The following NAGK variants were observed in gnomAD, a reference collection of about 807,000 sequenced individuals.
NAGK encodes N-acetylglucosamine kinase.
In NAGK, 35 loss-of-function variants were observed where a neutral mutation model predicts 42.9. The observed-to-expected ratio is 0.82, with a 90% CI of 0.62 to 1.08. The LOEUF (loss-of-function observed/expected upper bound fraction) is 1.08. NAGK is among the 50% of genes least tolerant of loss of function. The pLI, the probability that NAGK is intolerant of heterozygous loss-of-function variation, is 0.00. For missense variants in NAGK, 446 were observed against 446.0 expected (o/e 1.00, Z 0.00); for synonymous variants, 172 against 176.0 (o/e 0.98, Z 0.18).
At position 71,070,789 on chromosome 2, in the gene NAGK, A is replaced by C; in HGVS notation, c.163A>C (p.Arg55=). ...CVERINEMVN[R]AKRKAGVDPL... ...GGAGAGGATCAATGAGATGGTGAAC[A>C]GGGCCAAACGGAAAGCAGGGGTGGA... Residue 55 remains arginine, a synonymous_variant, in exon 3 of 10, where the codon AGG becomes CGG. Coordinates refer to ENST00000244204, the MANE Select transcript of NAGK (RefSeq NM_017567.6). 6.2e-7 allele frequency: 1 copy of C among 1,614,222 alleles called. No individual in the cohort carries two copies. Among genetic ancestry groups the C allele is most frequent in the Non-Finnish European group, 8.5e-7 (1 of 1,180,034 alleles).
chr2:71,070,831 C>G lies in NAGK; in HGVS notation c.205C>G (p.Arg69Gly), dbSNP rs769170071. The G allele has an allele frequency of 6.2e-7, 1 of 1,614,136 alleles. No individual in the cohort carries two copies. The highest frequency in any genetic ancestry group is 1.7e-5 in the Admixed American group (1 of 60,028). The change falls in exon 3 of 10, where the codon CGA becomes GGA. Residue 69 changes from arginine (R) to glycine (G), a missense_variant. Coordinates refer to ENST00000244204, the MANE Select transcript of NAGK (RefSeq NM_017567.6). ...AGGGGTGGATCCTCTGGTACCGCTG[C>G]GAAGCTTGGTGAGTCTGGGGCGGAG... ...KAGVDPLVPLRSLGLSLSGGD... is the reference protein window; with the variant it reads ...KAGVDPLVPLGSLGLSLSGGD...
intron 4 of NAGK, 95 bp downstream of exon 4, chr2:71,071,922 A>G: frequency 6.8e-7 from 1 of 1,474,094 alleles, no homozygotes; most frequent in Non-Finnish European, 9.2e-7. Flanking sequence ...AAATATCCAG[A>G]AGGCAGCCAC....
Position 71,072,699 on chromosome 2 carries a change from C to T in NAGK, c.414C>T (p.Gly138=). The part of the protein sequence containing the change: ...GSNCRLINPD[G]SESGCGGWGH... ...ACTGCAGGCTCATCAACCCTGATGG[C>T]TCCGAGAGTGGCTGCGGCGGCTGGG... The change falls in exon 5 of 10, where the codon GGC becomes GGT. Residue 138 remains glycine, a synonymous_variant. Coordinates refer to ENST00000244204, the MANE Select transcript of NAGK (RefSeq NM_017567.6). The T allele has an allele frequency of 6.2e-7, 1 of 1,614,154 alleles. No individual in the cohort carries two copies. Among genetic ancestry groups the T allele is most frequent in the Non-Finnish European group, 8.5e-7 (1 of 1,179,990 alleles).
At chr2:71,068,361 G>C (rs952499789), upstream of NAGK, 6 of 864,516 alleles carry the variant, frequency 6.9e-6, no homozygotes, top group Non-Finnish European at 9.8e-6. Flanking sequence ...CTAAGGGTCC[G>C]ACCGACCTAG....
intron 1 of NAGK, 88 bp downstream of exon 1, chr2:71,068,800 G>T: frequency 2.1e-6 from 3 of 1,417,824 alleles, no homozygotes; most frequent in Non-Finnish European, 2.8e-6. Context: ...CTTGATCCTC[G>T]GCGTCCGGGC....
chr2:71,072,961 G>A (rs1672077445), intron 5 of NAGK: 1 of 617,154 alleles, frequency 1.6e-6, no homozygotes, highest in Non-Finnish European at 3.0e-6. Flanking sequence ...GCAGTGACTT[G>A]CACCCAGGAC....
chr2:71,071,639 G>C, intron 3 of NAGK, 47 bp from the exon 4 acceptor site: 5 of 1,565,240 alleles, frequency 3.2e-6, no homozygotes, highest in Non-Finnish European at 4.3e-6. Flanking sequence ...TGAGAAAAGA[G>C]CTGGGGCTGG....
intron 9 of NAGK, 131 bp from the exon 10 acceptor site, chr2:71,078,187 T>A: frequency 1.2e-6 from 1 of 841,304 alleles, no homozygotes; most frequent in Non-Finnish European, 1.9e-6. Context: ...GCTGGGCACT[T>A]GGCATGTAGG....
In NAGK at chr2:71,078,642, T is replaced by G; in HGVS notation, c.*134T>G. On this transcript the variant is annotated 3_prime_UTR_variant, in exon 10 of 10. Transcript: ENST00000244204. ...TAAATGCACTTTATCCACTCCCCAA[T>G]TGGACTGCATTATCAAACACATGTG... 1.9e-6 allele frequency: 2 copies of G among 1,057,228 alleles called. No homozygotes were observed. The highest frequency in any genetic ancestry group is 1.7e-5 in the South Asian group (1 of 58,514). 65.5% of individuals were successfully genotyped at this position (1,057,228 alleles called of 1,614,324 possible). A position where few individuals can be genotyped will look rare whatever the true frequency, so the allele number is the denominator to read the frequency against.
chr2:71,071,360 G>A, intron 3 of NAGK: 1 of 351,424 alleles, frequency 2.8e-6, no homozygotes, highest in Non-Finnish European at 5.3e-6. Context: ...CAAACCTCGT[G>A]TATACCAAAC....
chr2:71,070,983 A>G lies in NAGK; in HGVS notation c.213+144A>G. On this transcript the variant is annotated intron_variant, in intron 3 of 9. Coordinates refer to ENST00000244204, the MANE Select transcript of NAGK (RefSeq NM_017567.6). Reference sequence around the variant, plus strand: ...TGTCAAAACTGTCATAATCTCACCCAGTCTCATGGCTTCAGTTGCCACCTA... The same window carrying G: ...TGTCAAAACTGTCATAATCTCACCCGGTCTCATGGCTTCAGTTGCCACCTA... 4.9e-6 allele frequency: 4 copies of G among 818,194 alleles called. No homozygotes were observed. In the Admixed American group the frequency reaches 6.8e-5, roughly 14 times the overall value. The allele number at this position is 818,194 out of a possible 1,614,324, so 50.7% of individuals were successfully genotyped here.
At chr2:71,069,217 C>A in intron 1 of NAGK, 1 of 530,898 alleles carries the variant, frequency 1.9e-6, no homozygotes, top group Non-Finnish European at 2.4e-6. Flanking sequence ...GTTGGCCTTC[C>A]ATGCTGCTTT....
At chr2:71,075,823 G>A in intron 7 of NAGK, 181 bp downstream of exon 7, 1 of 607,858 alleles carries the variant, frequency 1.6e-6, no homozygotes, top group Admixed American at 2.8e-5. Flanking sequence ...GGGCACGTGG[G>A]TCGTGTTGAC....
At chr2:71,068,738 C>G in intron 1 of NAGK, 26 bp downstream of exon 1, 1 of 1,447,864 alleles carries the variant, frequency 6.9e-7, no homozygotes, top group Non-Finnish European at 9.1e-7. Context: ...CGGAGGGAGC[C>G]TGGGCCCGAA....
At position 71,070,111 on chromosome 2, in the gene NAGK, C is replaced by G. The variant is rs566710425; in HGVS notation, c.30-391C>G. On this transcript the variant is annotated intron_variant, in intron 1 of 9. Coordinates refer to ENST00000244204, the MANE Select transcript of NAGK (RefSeq NM_017567.6). ...AGCTTGACCCAGTGGAGCTTGAAGT[C>G]TAGTGAGAGGCGGACACAAAGCGTC... The G allele has an allele frequency of 4.5e-4, 93 of 206,768 alleles. 2 individuals are homozygous for G. Among genetic ancestry groups the G allele is most frequent in the South Asian group, 4.2e-3 (57 of 13,698 alleles). The allele number at this position is 206,768 out of a possible 1,614,324, so 12.8% of individuals were successfully genotyped here. A position where few individuals can be genotyped will look rare whatever the true frequency, so the allele number is the denominator to read the frequency against.
Position 71,077,575 on chromosome 2 carries a change from G to GGT in NAGK, c.783_784insGT (p.Ile262ValfsTer19). 1 of 1,609,196 alleles carries GGT rather than the reference G, an allele frequency of 6.2e-7. No individual in the cohort carries two copies. The highest frequency in any genetic ancestry group is 2.2e-5 in the East Asian group (1 of 44,678). On this transcript the variant is annotated frameshift_variant, in exon 9 of 10. Transcript: ENST00000244204. LOFTEE classifies it high-confidence loss of function. ...CCACCCAGGTCTTGTTCCAGGGCAA[G>GGT]ATTGGACTCCCCATCCTGTGCGTGG...
rs145881172 is a variant in NAGK at position 71,078,530 on chromosome 2, C to T, written c.*22C>T. 2,067 of 1,492,750 alleles carry T rather than the reference C, an allele frequency of 1.4e-3. 22 individuals are homozygous for T. The African/African-American group carries it at 0.022, about 16-fold the overall frequency. 92.5% of individuals were successfully genotyped at this position (1,492,750 alleles called of 1,614,324 possible). On this transcript the variant is annotated 3_prime_UTR_variant, in exon 10 of 10. Transcript: ENST00000244204. ...CTAGGGGGCTGGTCCCGGCTCCACC[C>T]CCTCCAAGCTCAGTGGACACTGGGT... is the stretch of plus-strand genomic sequence containing the variant.
chr2:71,077,906 C>G (rs1033870302), intron 9 of NAGK, among the ~76,000 whole-genome samples: 3 of 152,234 alleles, frequency 2.0e-5, no homozygotes, highest in South Asian at 2.1e-4. Flanking sequence ...AAAGACAAAT[C>G]AGACTTAAAA....
intron 8 of NAGK, 131 bp from the exon 9 acceptor site, chr2:71,077,427 T>C: frequency 2.5e-6 from 2 of 801,380 alleles, no homozygotes; most frequent in East Asian, 2.7e-5. Context: ...TCCCCTTTCC[T>C]GAGTCTGTCT....
Sources: allele counts gnomAD v4.1 joint callset (sites outside exome capture counted in the v4.1 genomes callset), GRCh38; gene constraint gnomAD v4.1.1; transcripts MANE v1.5; gene names NCBI Gene and HGNC (gene_info 2026-07-23, HGNC 2026-07-21).